TNPO1: variants seen among roughly 807,000 people sequenced by gnomAD.
TNPO1 encodes transportin-1.
A neutral mutation model predicts 119.5 loss-of-function variants in TNPO1; 8 were observed. That is an observed-to-expected ratio of 0.07 (90% confidence interval 0.04 to 0.12). The LOEUF (loss-of-function observed/expected upper bound fraction) is 0.12, where lower values mean the gene tolerates loss of function less well. TNPO1 is among the 10% of genes least tolerant of loss of function. TNPO1 has a pLI of 1.00. For missense variants in TNPO1, 576 were observed against 1,089.8 expected (o/e 0.53, Z 6.64); for synonymous variants, 362 against 363.0 (o/e 1.00, Z 0.03).
chr5:72,832,247 G>A (rs1744508619), intron 1 of TNPO1, among the ~76,000 whole-genome samples: 1 of 152,082 alleles, frequency 6.6e-6, no homozygotes, highest in African/African-American at 2.4e-5. Flanking sequence ...CAGCAGCATA[G>A]GATATTATCA....
chr5:72,848,588 C>A, intron 2 of TNPO1, 90 bp downstream of exon 2: 1 of 636,804 alleles, frequency 1.6e-6, no homozygotes, highest in Non-Finnish European at 2.3e-6. Context: ...GTCGCCTCCG[C>A]CTCTGCCCCT....
At chr5:72,816,837 G>GTT in intron 1 of TNPO1, 85 bp downstream of exon 1, 1 of 1,470,414 alleles carries the variant, frequency 6.8e-7, no homozygotes, top group Non-Finnish European at 9.1e-7. Flanking sequence ...GCGCCTACGG[G>GTT]AGAGACGCCG....
chr5:72,834,867 G>A (rs1744627218), intron 1 of TNPO1, among the ~76,000 whole-genome samples: 1 of 151,918 alleles, frequency 6.6e-6, no homozygotes, highest in African/African-American at 2.4e-5. Flanking sequence ...TATTTTTCAT[G>A]CTTTTTATAC....
At chr5:72,850,100 C>T (rs905936074) in intron 2 of TNPO1, among the ~76,000 whole-genome samples, 1 of 152,152 alleles carries the variant, frequency 6.6e-6, no homozygotes, top group Non-Finnish European at 1.5e-5. Context: ...GCTAAGAATA[C>T]ATACTGCTGT....
intron 1 of TNPO1, among the ~76,000 whole-genome samples, chr5:72,819,847 G>A (rs1255660637): frequency 1.3e-5 from 2 of 152,160 alleles, no homozygotes; most frequent in African/African-American, 2.4e-5. Flanking sequence ...CTTATGTTAT[G>A]AGGATTAAAT....
chr5:72,903,798 T>C lies in TNPO1; in HGVS notation c.2589+15T>C, dbSNP rs781467740. Reference sequence around the variant, plus strand: ...TGTTCTGTAAGGTAACTAATAAGTCTTTATAATGCATCATCTTGAGACTGT... The same window carrying C: ...TGTTCTGTAAGGTAACTAATAAGTCCTTATAATGCATCATCTTGAGACTGT... On this transcript the variant is annotated intron_variant, in intron 23 of 24. Coordinates refer to ENST00000337273, the MANE Select transcript of TNPO1 (RefSeq NM_002270.4). 1 of 1,518,568 alleles carries C rather than the reference T, an allele frequency of 6.6e-7. No homozygotes were observed. The highest frequency in any genetic ancestry group is 9.1e-7 in the Non-Finnish European group (1 of 1,104,866). The allele number at this position is 1,518,568 out of a possible 1,614,324, so 94.1% of individuals were successfully genotyped here. A position where few individuals can be genotyped will look rare whatever the true frequency, so the allele number is the denominator to read the frequency against.
At chr5:72,870,806 T>A (rs1348027188) in intron 6 of TNPO1, among the ~76,000 whole-genome samples, 2 of 152,106 alleles carry the variant, frequency 1.3e-5, no homozygotes, top group Non-Finnish European at 2.9e-5. Flanking sequence ...ACAAAAAAAA[T>A]GCAAGTTAAA....
intron 1 of TNPO1, among the ~76,000 whole-genome samples, chr5:72,828,928 A>C (rs1744326125): frequency 6.6e-6 from 1 of 152,238 alleles, no homozygotes. Flanking sequence ...AAGGAAGAGC[A>C]AGAAAAGTAA....
At chr5:72,829,750 G>A (rs1744363998) in intron 1 of TNPO1, among the ~76,000 whole-genome samples, 1 of 152,198 alleles carries the variant, frequency 6.6e-6, no homozygotes, top group Non-Finnish European at 1.5e-5. Context: ...CCAGCTGGCT[G>A]TTCTTATGCA....
chr5:72,862,498 T>TC (rs1045010522), intron 5 of TNPO1: 1 of 26,000 alleles, frequency 3.8e-5, no homozygotes, highest in Non-Finnish European at 1.8e-4. Context: ...TAATTTTTTC[T>TC]TTTTTTTTTT....
At chr5:72,833,034 A>T (rs1041640421) in intron 1 of TNPO1, among the ~76,000 whole-genome samples, 1 of 152,108 alleles carries the variant, frequency 6.6e-6, no homozygotes, top group East Asian at 1.9e-4. Context: ...CCAACCCTGC[A>T]ATTCCTAGAG....
chr5:72,835,480 C>G (rs1322503221), intron 1 of TNPO1, among the ~76,000 whole-genome samples: 1 of 152,094 alleles, frequency 6.6e-6, no homozygotes, highest in Non-Finnish European at 1.5e-5. Context: ...TTGCTGCATC[C>G]CCACATGGAC....
chr5:72,880,726 G>T lies in TNPO1; in HGVS notation c.921-1741G>T, dbSNP rs377766644. 1.1e-3 allele frequency among the ~76,000 whole-genome samples: 158 copies of T among 146,782 alleles called. 2 individuals carry two copies. In the South Asian group the frequency reaches 0.028, roughly 26 times the overall value. Reference sequence around the variant, plus strand: ...AGCTACTTGGGTGGCTGAGGCAGGAGAATAGCTTGAACCCGGGAAGTGGAG... The same window carrying T: ...AGCTACTTGGGTGGCTGAGGCAGGATAATAGCTTGAACCCGGGAAGTGGAG... On this transcript the variant is annotated intron_variant, in intron 9 of 24. Coordinates refer to ENST00000337273, the MANE Select transcript of TNPO1 (RefSeq NM_002270.4).
intron 1 of TNPO1, among the ~76,000 whole-genome samples, chr5:72,833,575 A>G (rs1209651705): frequency 6.6e-6 from 1 of 152,210 alleles, no homozygotes; most frequent in Non-Finnish European, 1.5e-5. Context: ...CATGATATTC[A>G]ATTGGCCAAC....
At chr5:72,842,117 T>A (rs1439260201) in intron 1 of TNPO1, among the ~76,000 whole-genome samples, 1 of 152,250 alleles carries the variant, frequency 6.6e-6, no homozygotes, top group African/African-American at 2.4e-5. Flanking sequence ...TGTCATACTA[T>A]ATACATACTA....
chr5:72,827,134 G>A (rs1229968857), intron 1 of TNPO1, among the ~76,000 whole-genome samples: 1 of 152,128 alleles, frequency 6.6e-6, no homozygotes, highest in Non-Finnish European at 1.5e-5. Flanking sequence ...ATGGGGGAAA[G>A]AGCATGCAAA....
chr5:72,892,211 T>G (rs1040674248), intron 15 of TNPO1, among the ~76,000 whole-genome samples: 1 of 151,860 alleles, frequency 6.6e-6, no homozygotes, highest in African/African-American at 2.4e-5. Context: ...ATATGTTGAG[T>G]AGTGGGATTT....
At chr5:72,846,152 T>C (rs1258609491) in intron 1 of TNPO1, among the ~76,000 whole-genome samples, 1 of 152,244 alleles carries the variant, frequency 6.6e-6, no homozygotes, top group Non-Finnish European at 1.5e-5. Flanking sequence ...TAAATTCACA[T>C]ACTTTTTGGC....
At chr5:72,842,752 G>T (rs576048617) in intron 1 of TNPO1, among the ~76,000 whole-genome samples, 2 of 152,214 alleles carry the variant, frequency 1.3e-5, no homozygotes, top group South Asian at 4.2e-4. Flanking sequence ...TAAAGCTATA[G>T]AACAAAAGAT....
Sources: gnomAD v4.1 joint callset for allele counts (sites outside exome capture counted in the v4.1 genomes callset) on GRCh38, gnomAD v4.1.1 for gene constraint, MANE v1.5 for transcripts, NCBI Gene and HGNC (gene_info 2026-07-23, HGNC 2026-07-21) for gene names.